The following NFX1 variants were observed in gnomAD, a reference collection of about 807,000 sequenced individuals.
NFX1 encodes the protein nuclear transcription factor, X-box binding 1.
Under a neutral mutation model 137.2 loss-of-function variants are expected in NFX1, and 69 were observed. The observed-to-expected ratio is 0.50, with a 90% CI of 0.41 to 0.61. The LOEUF is 0.61. Ranked by LOEUF, NFX1 falls within the 20% of genes least tolerant of loss-of-function variation. NFX1 has a pLI of 0.00. For missense variants in NFX1, 1,167 were observed against 1,391.0 expected, an observed-to-expected ratio of 0.84 and a Z score of 2.56; for synonymous variants, 495 against 474.1, an observed-to-expected ratio of 1.04 and a Z score of -0.57.
rs764113461 is a variant in NFX1 at position 33,366,760 on chromosome 9, G to T, written c.3171G>T (p.Val1057=). The change falls in exon 22 of 24, where the codon GTG becomes GTT. Residue 1057 remains valine, a synonymous_variant. Coordinates refer to ENST00000379540, the MANE Select transcript of NFX1 (RefSeq NM_002504.6). The part of the protein sequence containing the change: ...SYDSEPKRNV[V]VTAIRGKSVC... ...ACAGTGAACCGAAGCGCAATGTGGT[G>T]GTCACTGCCATCAGGTAGGTCAATC... 5 of 1,613,864 alleles carry T rather than the reference G, an allele frequency of 3.1e-6. No individual in the cohort carries two copies. The Admixed American group carries it at 5.0e-5, about 16-fold the overall frequency.
intron 9 of NFX1, among the ~76,000 whole-genome samples, chr9:33,322,048 A>C (rs1822405117): frequency 6.6e-6 from 1 of 150,474 alleles, no homozygotes; most frequent in Non-Finnish European, 1.5e-5. Flanking sequence ...TAAAAATACA[A>C]AAATTAGCCA....
intron 3 of NFX1, among the ~76,000 whole-genome samples, chr9:33,301,638 G>A (rs1484559763): frequency 1.3e-5 from 2 of 152,046 alleles, no homozygotes; most frequent in Non-Finnish European, 2.9e-5. Flanking sequence ...TTTAAGATAC[G>A]ACAAAATCAG....
At chr9:33,314,653 G>A (rs1822089783) in intron 7 of NFX1, among the ~76,000 whole-genome samples, 1 of 152,132 alleles carries the variant, frequency 6.6e-6, no homozygotes, top group Non-Finnish European at 1.5e-5. Context: ...CTCTAGCCTG[G>A]ATGACAGAAT....
rs998051967 is a variant in NFX1 at position 33,311,431 on chromosome 9, G to A, written c.1448+254G>A. On this transcript the variant is annotated intron_variant, in intron 6 of 23. Coordinates refer to ENST00000379540, the MANE Select transcript of NFX1 (RefSeq NM_002504.6). ...AATGTGCCATGGATAGTACTTTTCT[G>A]TAACTAGTAGTTCCCTGTGCTGCCC... Among the ~76,000 whole-genome samples the A allele has an allele frequency of 5.5e-4, 83 of 152,182 alleles. 1 individual carries two copies. Among genetic ancestry groups the A allele is most frequent in the Non-Finnish European group, 9.7e-4 (66 of 68,030 alleles).
At chr9:33,296,291 T>C (rs2118180318) in intron 2 of NFX1, among the ~76,000 whole-genome samples, 1 of 152,216 alleles carries the variant, frequency 6.6e-6, no homozygotes, top group East Asian at 1.9e-4. Context: ...TACTCAACAG[T>C]CCCATCTTCT....
At chr9:33,363,958 A>G in intron 19 of NFX1, 52 bp from the exon 20 acceptor site, 1 of 1,294,408 alleles carries the variant, frequency 7.7e-7, no homozygotes, top group Non-Finnish European at 1.1e-6. Flanking sequence ...GGTTACTGCA[A>G]GATAGTTTCC....
At chr9:33,342,454 T>A (rs1823262341) in intron 12 of NFX1, among the ~76,000 whole-genome samples, 1 of 152,128 alleles carries the variant, frequency 6.6e-6, no homozygotes, top group Non-Finnish European at 1.5e-5. Flanking sequence ...AGAGCGAGAC[T>A]CCATCTCAAA....
chr9:33,351,298 A>C (rs1249102181), intron 15 of NFX1, among the ~76,000 whole-genome samples: 1 of 152,062 alleles, frequency 6.6e-6, no homozygotes, highest in African/African-American at 2.4e-5. Flanking sequence ...TCTCTTAAAA[A>C]AAAATTCAAA....
intron 3 of NFX1, among the ~76,000 whole-genome samples, chr9:33,302,984 T>C (rs1382381731): frequency 1.3e-5 from 2 of 151,504 alleles, no homozygotes; most frequent in East Asian, 3.9e-4. Context: ...TTTTTTTTTT[T>C]TTAATGAACC....
At chr9:33,343,391 G>A (rs373755493) in intron 13 of NFX1, among the ~76,000 whole-genome samples, 24 of 152,022 alleles carry the variant, frequency 1.6e-4, no homozygotes, top group African/African-American at 3.9e-4. Context: ...GTAGAATAGC[G>A]GATACTTGGT....
chr9:33,356,628 C>T (rs1409652825), intron 19 of NFX1, among the ~76,000 whole-genome samples: 1 of 152,024 alleles, frequency 6.6e-6, no homozygotes, highest in Non-Finnish European at 1.5e-5. Context: ...TGTTATTTTA[C>T]CTTTCACATT....
At chr9:33,361,875 G>A (rs1260082695) in intron 19 of NFX1, among the ~76,000 whole-genome samples, 1 of 151,326 alleles carries the variant, frequency 6.6e-6, no homozygotes, top group Admixed American at 6.6e-5. Context: ...CATAATCCCA[G>A]CATTTGGGTG....
chr9:33,348,568 T>C (rs1380179438), intron 15 of NFX1: 3 of 157,146 alleles, frequency 1.9e-5, no homozygotes, highest in Non-Finnish European at 2.7e-5. Flanking sequence ...AAGTCTGAGA[T>C]GTTGCGAGAA....
At position 33,364,056 on chromosome 9, in the gene NFX1, A is replaced by AATATACGT; in HGVS notation, c.2921_2928dup (p.Ser977IlefsTer13). On this transcript the variant is annotated frameshift_variant, in exon 20 of 24. Transcript: ENST00000379540. LOFTEE classifies it high-confidence loss of function. ...TATCAGTGAGGATTCTGATCCTTTC[A>AATATACGT]ATATACGTTCTTCAGGGTCAAAATT... 6.2e-7 allele frequency: 1 copy of AATATACGT among 1,606,826 alleles called. No individual in the cohort carries two copies.
intron 4 of NFX1, among the ~76,000 whole-genome samples, chr9:33,303,855 A>G (rs1400123250): frequency 3.3e-5 from 5 of 152,010 alleles, no homozygotes; most frequent in African/African-American, 9.7e-5. Context: ...CTGCCTTTTA[A>G]TGACTAACTT....
At chr9:33,323,319 A>G (rs1026837327) in intron 9 of NFX1, among the ~76,000 whole-genome samples, 3 of 152,208 alleles carry the variant, frequency 2.0e-5, no homozygotes, top group African/African-American at 4.8e-5. Flanking sequence ...CAGAGTTGCT[A>G]TATAGCTAAA....
At chr9:33,314,141 G>A (rs1822065960) in intron 7 of NFX1, among the ~76,000 whole-genome samples, 3 of 151,776 alleles carry the variant, frequency 2.0e-5, no homozygotes, top group South Asian at 4.2e-4. Context: ...CTGCTATCAC[G>A]CCTTGCTAAT....
At chr9:33,301,501 A>G in intron 3 of NFX1, 80 bp downstream of exon 3, 1 of 1,463,722 alleles carries the variant, frequency 6.8e-7, no homozygotes, top group Non-Finnish European at 9.2e-7. Flanking sequence ...CTTTAAAAAT[A>G]CAGTTTAATT....
intron 2 of NFX1, among the ~76,000 whole-genome samples, chr9:33,296,040 C>T (rs1821342881): frequency 6.6e-6 from 1 of 152,204 alleles, no homozygotes; most frequent in Non-Finnish European, 1.5e-5. Context: ...GATTCTCCTG[C>T]ATCAGCCTCC....
Sources: allele counts gnomAD v4.1 joint callset (sites outside exome capture counted in the v4.1 genomes callset), GRCh38; gene constraint gnomAD v4.1.1; transcripts MANE v1.5; gene names NCBI Gene and HGNC (gene_info 2026-07-23, HGNC 2026-07-21).